ASTN2: variants seen among roughly 807,000 people sequenced by gnomAD.
ASTN2 encodes astrotactin 2.
ASTN2 carries 54 observed loss-of-function variants against 139.8 expected under a neutral mutation model. The observed-to-expected ratio is 0.39, with a 90% CI of 0.31 to 0.48. The LOEUF is 0.48. Ranked by LOEUF, ASTN2 falls within the 20% of genes least tolerant of loss-of-function variation. ASTN2 has a pLI of 0.95. For synonymous variants in ASTN2, 756 were observed against 719.5 expected, an observed-to-expected ratio of 1.05 and a Z score of -0.81; for missense variants, 1,565 against 1,725.1, an observed-to-expected ratio of 0.91 and a Z score of 1.64.
At chr9:116,486,903 G>GTA (rs61062236) in intron 20 of ASTN2, among the ~76,000 whole-genome samples, 6,203 of 151,888 alleles carry the variant, frequency 0.041, 427 homozygotes, top group African/African-American at 0.14. Context: ...AGTGTATATT[G>GTA]TATATATATA....
At chr9:116,641,490 G>A (rs967776375) in intron 17 of ASTN2, among the ~76,000 whole-genome samples, 2 of 152,040 alleles carry the variant, frequency 1.3e-5, no homozygotes, top group Non-Finnish European at 2.9e-5. Context: ...TTGATGAGAG[G>A]GTTCAGTGAG....
At chr9:116,781,925 G>A (rs1197691016) in intron 13 of ASTN2, among the ~76,000 whole-genome samples, 1 of 146,514 alleles carries the variant, frequency 6.8e-6, no homozygotes, top group Admixed American at 6.6e-5. Context: ...TGGATGTTCA[G>A]ATACCTCGAG....
intron 20 of ASTN2, among the ~76,000 whole-genome samples, chr9:116,452,851 C>T (rs1322385037): frequency 6.6e-6 from 1 of 152,198 alleles, no homozygotes; most frequent in African/African-American, 2.4e-5. Flanking sequence ...CAACTTTTGA[C>T]AAGGAAGAGA....
chr9:117,013,649 C>T (rs1335902282), intron 6 of ASTN2, among the ~76,000 whole-genome samples: 2 of 152,008 alleles, frequency 1.3e-5, no homozygotes, highest in Non-Finnish European at 2.9e-5. Flanking sequence ...TCTTCAATTA[C>T]ATTGATTATC....
intron 13 of ASTN2, among the ~76,000 whole-genome samples, chr9:116,766,133 A>G (rs1173628686): frequency 6.6e-6 from 1 of 152,108 alleles, no homozygotes; most frequent in Non-Finnish European, 1.5e-5. Flanking sequence ...TATTATAAAG[A>G]TCCCGGGATA....
intron 17 of ASTN2, among the ~76,000 whole-genome samples, chr9:116,636,685 A>AG: frequency 6.6e-6 from 1 of 152,124 alleles, no homozygotes; most frequent in Non-Finnish European, 1.5e-5. Flanking sequence ...CAAAGAAAAA[A>AG]AAAAGAAAGA....
At chr9:116,557,223 C>CAAAAAAAAAAAAA (rs60756690) in intron 19 of ASTN2, among the ~76,000 whole-genome samples, 19 of 53,598 alleles carry the variant, frequency 3.5e-4, no homozygotes, top group African/African-American at 1.3e-3. Flanking sequence ...GACTCTGTCT[C>CAAAAAAAAAAAAA]AAAAAAAAAA....
intron 2 of ASTN2, among the ~76,000 whole-genome samples, chr9:117,227,122 G>A (rs1202029720): frequency 6.6e-6 from 1 of 152,136 alleles, no homozygotes; most frequent in African/African-American, 2.4e-5. Flanking sequence ...AGGGGAGTTG[G>A]TGTGGGTGAG....
intron 5 of ASTN2, among the ~76,000 whole-genome samples, chr9:117,052,675 A>G (rs1564402663): frequency 6.6e-6 from 1 of 152,310 alleles, no homozygotes; most frequent in East Asian, 1.9e-4. Context: ...GAAAGGTCCA[A>G]ACACATGCAG....
intron 10 of ASTN2, among the ~76,000 whole-genome samples, chr9:116,933,999 T>TTTTTTTTTTTTTTTTC (rs1834993619): frequency 8.8e-6 from 1 of 113,396 alleles, no homozygotes; most frequent in Non-Finnish European, 1.9e-5. Context: ...TTTTTTTTTT[T>TTTTTTTTTTTTTTTTC]TTTCTGGATC....
chr9:117,096,180 T>A, intron 4 of ASTN2, 29 bp from the exon 5 acceptor site: 1 of 1,580,640 alleles, frequency 6.3e-7, no homozygotes, highest in Non-Finnish European at 8.7e-7. Flanking sequence ...TATCAGTTAG[T>A]CTCCCAGGCC....
chr9:117,245,576 G>A (rs926367034), intron 2 of ASTN2, among the ~76,000 whole-genome samples: 2 of 152,172 alleles, frequency 1.3e-5, no homozygotes, highest in Admixed American at 6.5e-5. Context: ...TTGCAGGCAC[G>A]GAGGCTGGGT....
chr9:116,716,588 C>A (rs1355771522), intron 16 of ASTN2, among the ~76,000 whole-genome samples: 4 of 152,166 alleles, frequency 2.6e-5, no homozygotes, highest in African/African-American at 9.7e-5. Context: ...CCATGACAGA[C>A]ATTGCTAAGT....
At chr9:116,671,304 C>T (rs1588169695) in intron 16 of ASTN2, among the ~76,000 whole-genome samples, 3 of 152,164 alleles carry the variant, frequency 2.0e-5, no homozygotes, top group African/African-American at 4.8e-5. Flanking sequence ...TTTTAAAATG[C>T]TCTTTTATAA....
intron 13 of ASTN2, among the ~76,000 whole-genome samples, chr9:116,762,812 G>A (rs556565997): frequency 6.6e-6 from 1 of 152,326 alleles, no homozygotes; most frequent in South Asian, 2.1e-4. Context: ...CAAAGATCAG[G>A]TAGCTGGAAA....
At chr9:116,981,090 G>C (rs1175764397) in intron 7 of ASTN2, among the ~76,000 whole-genome samples, 2 of 152,172 alleles carry the variant, frequency 1.3e-5, no homozygotes, top group Non-Finnish European at 2.9e-5. Context: ...ATGCTAAATA[G>C]ATGAAGGGAT....
At chr9:116,605,375 C>A (rs1564147785) in intron 19 of ASTN2, among the ~76,000 whole-genome samples, 2 of 152,078 alleles carry the variant, frequency 1.3e-5, no homozygotes, top group Non-Finnish European at 2.9e-5. Flanking sequence ...CTGAACTAAA[C>A]AAGCTGAAGC....
intron 19 of ASTN2, among the ~76,000 whole-genome samples, chr9:116,570,146 A>G (rs1280613044): frequency 6.6e-6 from 1 of 152,164 alleles, no homozygotes; most frequent in Non-Finnish European, 1.5e-5. Flanking sequence ...TGAAGCATGA[A>G]GCTGATAATT....
intron 3 of ASTN2, chr9:117,197,169 GT>G (rs1408140583): frequency 6.6e-6 from 1 of 152,314 alleles, no homozygotes; most frequent in East Asian, 1.9e-4. Context: ...GATCACCAGG[GT>G]TGATTCAGCT....
Sources: allele counts gnomAD v4.1 joint callset (sites outside exome capture counted in the v4.1 genomes callset), GRCh38; gene constraint gnomAD v4.1.1; transcripts MANE v1.5; gene names NCBI Gene and HGNC (gene_info 2026-07-23, HGNC 2026-07-21).